The following CTNND2 variants were observed in gnomAD, a reference collection of about 807,000 sequenced individuals.
CTNND2 encodes the protein catenin delta-2.
Under a neutral mutation model 144.4 loss-of-function variants are expected in CTNND2, and 22 were observed. The ratio of observed to expected loss-of-function variants is 0.15; its 90% CI spans 0.11 to 0.22. CTNND2 has a LOEUF of 0.22. Ranked by LOEUF, CTNND2 falls within the 10% of genes least tolerant of loss-of-function variation. CTNND2 has a pLI of 1.00. For missense variants in CTNND2, 1,353 were observed against 1,618.8 expected (o/e 0.84, Z 2.82); for synonymous variants, 751 against 695.6 (o/e 1.08, Z -1.25).
chr5:11,307,902 T>G (rs1750420922), intron 9 of CTNND2, among the ~76,000 whole-genome samples: 1 of 152,028 alleles, frequency 6.6e-6, no homozygotes, highest in African/African-American at 2.4e-5. Context: ...TGGGAGGTGA[T>G]TAGGTTATGA....
chr5:11,371,266 TATC>T (rs1159952183), intron 7 of CTNND2, among the ~76,000 whole-genome samples: 3 of 152,362 alleles, frequency 2.0e-5, no homozygotes, highest in Admixed American at 2.0e-4. Context: ...TGATACCTGT[TATC>T]ATGAAACTCC....
Position 11,617,328 on chromosome 5 carries a change from A to G in CTNND2, c.175-52272T>C, listed in dbSNP as rs1225737251. 6.6e-5 allele frequency among the ~76,000 whole-genome samples: 10 copies of G among 152,276 alleles called. No individual in the cohort carries two copies. In the East Asian group the frequency reaches 1.7e-3, roughly 26 times the overall value. On this transcript the variant is annotated intron_variant, in intron 2 of 21. Transcript: ENST00000304623. ...GAAGGAAATTCCTTGGACATTCCTCAGTAGCTGGATCTCTGATACCCCATT... is the reference window on the plus strand; with the variant it reads ...GAAGGAAATTCCTTGGACATTCCTCGGTAGCTGGATCTCTGATACCCCATT...
chr5:11,877,721 C>CCAT (rs57755958), intron 1 of CTNND2, among the ~76,000 whole-genome samples: 1 of 151,208 alleles, frequency 6.6e-6, no homozygotes, highest in Admixed American at 6.6e-5. Flanking sequence ...AGCACCATCA[C>CCAT]CATCATCATC....
chr5:11,014,442 C>G (rs1291242633), intron 18 of CTNND2, among the ~76,000 whole-genome samples: 1 of 152,184 alleles, frequency 6.6e-6, no homozygotes, highest in African/African-American at 2.4e-5. Flanking sequence ...CACAAAACAT[C>G]TAAGTTCTAT....
intron 11 of CTNND2, among the ~76,000 whole-genome samples, chr5:11,192,446 T>C (rs530815424): frequency 1.4e-4 from 21 of 152,266 alleles, no homozygotes; most frequent in African/African-American, 5.1e-4. Flanking sequence ...CAAAAGGGGC[T>C]TGCAGATGGG....
chr5:11,011,548 T>C (rs1741083272), intron 18 of CTNND2, among the ~76,000 whole-genome samples: 1 of 152,180 alleles, frequency 6.6e-6, no homozygotes, highest in African/African-American at 2.4e-5. Flanking sequence ...TTCGGAGAGA[T>C]ACTGAGTGGA....
chr5:11,410,762 C>G (rs1166113048), intron 5 of CTNND2, among the ~76,000 whole-genome samples: 1 of 151,944 alleles, frequency 6.6e-6, no homozygotes, highest in East Asian at 1.9e-4. Flanking sequence ...TAGCATAGTA[C>G]TAAATAGATA....
intron 9 of CTNND2, among the ~76,000 whole-genome samples, chr5:11,344,026 T>C (rs1373057803): frequency 6.6e-6 from 1 of 152,204 alleles, no homozygotes; most frequent in African/African-American, 2.4e-5. Context: ...AATTATAATA[T>C]TTAAGGGAAA....
rs2150054307 is a variant in CTNND2, at chr5:11,312,347, G to A, written c.1628+34025C>T. Among the ~76,000 whole-genome samples the A allele has an allele frequency of 2.0e-5, 3 of 151,804 alleles. No individual in the cohort carries two copies. In the South Asian group the frequency reaches 6.2e-4, roughly 32 times the overall value. ...ATAAAGACATACCCAAGACTGGGAA[G>A]AAAAAGGGGTTTAATCGGACTTACA... On this transcript the variant is annotated intron_variant, in intron 9 of 21. Coordinates refer to ENST00000304623, the MANE Select transcript of CTNND2 (RefSeq NM_001332.4).
At chr5:11,127,937 GGTGGACTGTGGTAGGCCAGAGA>G (rs1754844555) in intron 12 of CTNND2, among the ~76,000 whole-genome samples, 1 of 111,094 alleles carries the variant, frequency 9.0e-6, no homozygotes, top group African/African-American at 5.2e-5. Context: ...GAGGCCAGAG[GGTGGACTGTGGTAGGCCAGAGA>G]ACAGCCCCTC....
At chr5:11,764,729 G>A (rs1283552533) in intron 1 of CTNND2, among the ~76,000 whole-genome samples, 1 of 152,102 alleles carries the variant, frequency 6.6e-6, no homozygotes, top group Non-Finnish European at 1.5e-5. Flanking sequence ...CCTGGTTCTA[G>A]CAATGCCATT....
At chr5:11,543,843 A>G (rs1774974281) in intron 3 of CTNND2, among the ~76,000 whole-genome samples, 1 of 152,230 alleles carries the variant, frequency 6.6e-6, no homozygotes, top group Non-Finnish European at 1.5e-5. Context: ...AGTGGTCCTA[A>G]GTCAGCAGGA....
chr5:11,659,658 A>G (rs1215179230), intron 2 of CTNND2, among the ~76,000 whole-genome samples: 3 of 152,126 alleles, frequency 2.0e-5, no homozygotes, highest in Admixed American at 6.6e-5. Context: ...ACCATCCAGC[A>G]TATGACACGT....
At chr5:11,712,079 G>A (rs191104469) in intron 2 of CTNND2, among the ~76,000 whole-genome samples, 9 of 152,268 alleles carry the variant, frequency 5.9e-5, no homozygotes, top group Admixed American at 5.2e-4. Flanking sequence ...CCTGTGGAGT[G>A]AGAACTAAAT....
chr5:11,197,703 C>G (rs1183000843), intron 11 of CTNND2, among the ~76,000 whole-genome samples: 3 of 152,132 alleles, frequency 2.0e-5, no homozygotes, highest in Non-Finnish European at 4.4e-5. Context: ...CGGTCAGTTC[C>G]TTTACAGCTG....
At position 11,250,506 on chromosome 5, in the gene CTNND2, TATATATAC is replaced by T. The variant is rs1207146829; in HGVS notation, c.1629-13691_1629-13684del. ...CTCTCTCTCTCTATATATATATATA[TATATATAC>T]ATATATTTTTTTTTTTTTTTAGAGA... On this transcript the variant is annotated intron_variant, in intron 9 of 21. Transcript: ENST00000304623. Among the ~76,000 whole-genome samples the T allele has an allele frequency of 9.2e-3, 855 of 92,446 alleles. 12 individuals are homozygous for T. Among genetic ancestry groups the T allele is most frequent in the Admixed American group, 0.024 (187 of 7,858 alleles). The allele number at this position is 92,446 out of a possible 152,430, so 60.6% of individuals were successfully genotyped here. A position where few individuals can be genotyped will look rare whatever the true frequency, so the allele number is the denominator to read the frequency against.
chr5:11,225,301 G>C (rs927797180), intron 10 of CTNND2, among the ~76,000 whole-genome samples: 4 of 152,036 alleles, frequency 2.6e-5, no homozygotes, highest in Non-Finnish European at 5.9e-5. Context: ...GCTTCCTTTT[G>C]GTTTTCTCTT....
At chr5:11,260,798 A>T (rs908606192) in intron 9 of CTNND2, among the ~76,000 whole-genome samples, 2 of 152,244 alleles carry the variant, frequency 1.3e-5, no homozygotes, top group Non-Finnish European at 2.9e-5. Flanking sequence ...AAAAAAATTC[A>T]AGGTGACAAG....
chr5:11,569,125 T>A (rs78849607), intron 2 of CTNND2, among the ~76,000 whole-genome samples: 2 of 152,146 alleles, frequency 1.3e-5, no homozygotes, highest in African/African-American at 2.4e-5. Flanking sequence ...GATGTGGTGA[T>A]GTAAATCAGG....
Sources: allele counts gnomAD v4.1 joint callset (sites outside exome capture counted in the v4.1 genomes callset), GRCh38; gene constraint gnomAD v4.1.1; transcripts MANE v1.5; gene names NCBI Gene and HGNC (gene_info 2026-07-23, HGNC 2026-07-21).